Variants in PAPOLA observed in about 807,000 individuals in gnomAD.
The protein encoded by PAPOLA is poly(A) polymerase alpha, also known as polynucleotide adenylyltransferase alpha.
PAPOLA carries 15 observed loss-of-function variants against 100.6 expected under a neutral mutation model. The observed-to-expected ratio is 0.15, with a 90% CI of 0.10 to 0.23. PAPOLA has a LOEUF of 0.23. Among genes scored for constraint, PAPOLA ranks in the 10% least tolerant of loss-of-function variants. PAPOLA has a pLI of 1.00. For missense variants in PAPOLA, 533 were observed against 884.2 expected (o/e 0.60, Z 5.04); for synonymous variants, 293 against 300.0 (o/e 0.98, Z 0.24).
Position 96,532,765 on chromosome 14 carries a change from A to T in PAPOLA, c.836+116A>T. 4 of 1,425,502 alleles carry T rather than the reference A, an allele frequency of 2.8e-6. No homozygotes were observed. The South Asian group carries it at 6.5e-5, about 23-fold the overall frequency. 88.3% of individuals were successfully genotyped at this position (1,425,502 alleles called of 1,614,324 possible). On this transcript the variant is annotated intron_variant, in intron 9 of 21. Transcript: ENST00000216277. ...TCAAATTTTAGTTCATGATGTAGTCATGTAGGCAGCCTTGGAGATCACATT... is the reference window on the plus strand; with the variant it reads ...TCAAATTTTAGTTCATGATGTAGTCTTGTAGGCAGCCTTGGAGATCACATT...
At chr14:96,522,702 C>T (rs528411745) in intron 3 of PAPOLA, among the ~76,000 whole-genome samples, 1 of 152,276 alleles carries the variant, frequency 6.6e-6, no homozygotes, top group East Asian at 1.9e-4. Context: ...ACTGCCCCAG[C>T]CCCTTTGAGT....
rs755300277 is a variant in PAPOLA at position 96,531,652 on chromosome 14, A to G, written c.607+66A>G. The G allele has an allele frequency of 3.2e-6, 5 of 1,548,792 alleles. No homozygotes were observed. In the South Asian group the frequency reaches 5.9e-5, roughly 18 times the overall value. On this transcript the variant is annotated intron_variant, in intron 7 of 21. Coordinates refer to ENST00000216277, the MANE Select transcript of PAPOLA (RefSeq NM_032632.5). ...GTCAGATATTAGTTGTTTTTACACA[A>G]GTTTTGTATTGAAGCTTTTTATAGC...
At chr14:96,513,329 A>G (rs1443731027) in intron 1 of PAPOLA, among the ~76,000 whole-genome samples, 1 of 152,174 alleles carries the variant, frequency 6.6e-6, no homozygotes, top group East Asian at 1.9e-4. Flanking sequence ...TCAGCCTCCC[A>G]AAGTGACGGG....
Position 96,565,743 on chromosome 14 carries a change from C to G in PAPOLA, c.*693C>G, listed in dbSNP as rs1595566823. 1 of 398,104 alleles carries G rather than the reference C, an allele frequency of 2.5e-6. No individual in the cohort carries two copies. Among genetic ancestry groups the G allele is most frequent in the Non-Finnish European group, 4.4e-6 (1 of 225,690 alleles). The allele number at this position is 398,104 out of a possible 1,614,324, so 24.7% of individuals were successfully genotyped here. A position where few individuals can be genotyped will look rare whatever the true frequency, so the allele number is the denominator to read the frequency against. On this transcript the variant is annotated 3_prime_UTR_variant, in exon 22 of 22. Coordinates refer to ENST00000216277, the MANE Select transcript of PAPOLA (RefSeq NM_032632.5). ...TTATGGAATTGTTTTATAGTGCATA[C>G]AAATCAGCGATCAGCCAGCAAATAT...
intron 6 of PAPOLA, among the ~76,000 whole-genome samples, chr14:96,529,409 C>T (rs932621016): frequency 1.3e-5 from 2 of 151,320 alleles, no homozygotes; most frequent in East Asian, 3.9e-4. Context: ...AAATGTGCTC[C>T]TAAAATACTG....
In PAPOLA at chr14:96,566,036, G is replaced by C. The variant is rs567155698; in HGVS notation, c.*986G>C. The C allele has an allele frequency of 2.8e-5, 11 of 396,644 alleles. No homozygotes were observed. In the South Asian group the frequency reaches 1.5e-3, roughly 55 times the overall value. The allele number at this position is 396,644 out of a possible 1,614,324, so 24.6% of individuals were successfully genotyped here. ...GGCTGAAACTTGAGGGTGACTAAAA[G>C]TAATGCCTGTGAAACATGATATCTA... On this transcript the variant is annotated 3_prime_UTR_variant, in exon 22 of 22. Coordinates refer to ENST00000216277, the MANE Select transcript of PAPOLA (RefSeq NM_032632.5).
intron 5 of PAPOLA, 85 bp downstream of exon 5, chr14:96,527,624 T>C (rs1447584768): frequency 5.3e-6 from 4 of 757,154 alleles, no homozygotes; most frequent in Non-Finnish European, 9.0e-6. Flanking sequence ...AGCCATCATT[T>C]ATTGAGTTCT....
intron 1 of PAPOLA, among the ~76,000 whole-genome samples, chr14:96,506,991 A>G (rs921968548): frequency 6.6e-6 from 1 of 152,136 alleles, no homozygotes; most frequent in African/African-American, 2.4e-5. Flanking sequence ...TCCAGTTATA[A>G]TGTTGCTCCC....
intron 15 of PAPOLA, chr14:96,547,561 A>AG: frequency 6.4e-6 from 2 of 311,094 alleles, no homozygotes; most frequent in South Asian, 1.2e-4. Context: ...AGCTATTTAA[A>AG]GGGTTACTAC....
At chr14:96,541,214 T>A (rs938771430) in intron 12 of PAPOLA, among the ~76,000 whole-genome samples, 5 of 152,200 alleles carry the variant, frequency 3.3e-5, no homozygotes, top group Admixed American at 2.0e-4. Context: ...TACATTTTTT[T>A]AAAATAAGTT....
Position 96,544,138 on chromosome 14 carries a change from C to G in PAPOLA, c.1290-11C>G. 1 of 1,461,100 alleles carries G rather than the reference C, an allele frequency of 6.8e-7. No individual in the cohort carries two copies. The highest frequency in any genetic ancestry group is 9.6e-7 in the Non-Finnish European group (1 of 1,044,426). 90.5% of individuals were successfully genotyped at this position (1,461,100 alleles called of 1,614,324 possible). On this transcript the variant is annotated splice_polypyrimidine_tract_variant and intron_variant, in intron 14 of 21. Transcript: ENST00000216277. The stretch of plus-strand genomic sequence containing the variant: ...AATCCAGATAAACTATGGTAATGCT[C>G]TTCTTTGCAGGGAAGAATTTCGCAC...
At chr14:96,539,615 T>C (rs1899814613) in intron 12 of PAPOLA, among the ~76,000 whole-genome samples, 1 of 152,138 alleles carries the variant, frequency 6.6e-6, no homozygotes, top group African/African-American at 2.4e-5. Context: ...GGGGAAAAGG[T>C]AATGGCAATT....
At chr14:96,535,180 A>G (rs1225782552) in intron 10 of PAPOLA, 4 of 915,736 alleles carry the variant, frequency 4.4e-6, no homozygotes, top group Non-Finnish European at 1.3e-6. Flanking sequence ...TTAGGTTTGA[A>G]TAAGATTTCC....
chr14:96,540,528 G>A (rs1899895441), intron 12 of PAPOLA, among the ~76,000 whole-genome samples: 1 of 151,808 alleles, frequency 6.6e-6, no homozygotes, highest in Admixed American at 6.6e-5. Flanking sequence ...CTCCGAGTAT[G>A]GGTTTTTCTA....
chr14:96,530,078 ATATTTGAG>A (rs1898862513), intron 6 of PAPOLA, among the ~76,000 whole-genome samples: 1 of 152,174 alleles, frequency 6.6e-6, no homozygotes, highest in Non-Finnish European at 1.5e-5. Flanking sequence ...TGTTTGCCTT[ATATTTGAG>A]TACTATTAAG....
chr14:96,552,781 T>C, intron 17 of PAPOLA, 159 bp downstream of exon 17: 1 of 650,902 alleles, frequency 1.5e-6, no homozygotes, highest in South Asian at 2.2e-5. Context: ...TTGGGGATAG[T>C]ACTTTTTGGT....
intron 11 of PAPOLA, chr14:96,536,749 G>T: frequency 2.6e-6 from 1 of 377,948 alleles, no homozygotes; most frequent in South Asian, 5.6e-5. Context: ...TGGCATTTTA[G>T]AATAATTGTA....
chr14:96,518,974 T>C (rs1595508438), intron 1 of PAPOLA, among the ~76,000 whole-genome samples: 1 of 151,850 alleles, frequency 6.6e-6, no homozygotes, highest in Non-Finnish European at 1.5e-5. Flanking sequence ...GGAGAATCGG[T>C]GGAACCTGGA....
intron 3 of PAPOLA, among the ~76,000 whole-genome samples, 194 bp downstream of exon 3, chr14:96,521,266 G>A (rs1057327716): frequency 1.3e-5 from 2 of 152,000 alleles, no homozygotes; most frequent in Non-Finnish European, 2.9e-5. Context: ...TGAGTTAAGC[G>A]ATTTTTAAAA....
Sources: allele counts gnomAD v4.1 joint callset (sites outside exome capture counted in the v4.1 genomes callset), GRCh38; gene constraint gnomAD v4.1.1; transcripts MANE v1.5; gene names NCBI Gene and HGNC (gene_info 2026-07-23, HGNC 2026-07-21).